ZNF257: variants seen among roughly 807,000 people sequenced by gnomAD.
ZNF257 encodes zinc finger protein 257.
Under a neutral mutation model 11.9 loss-of-function variants are expected in ZNF257, and 12 were observed. The ratio of observed to expected loss-of-function variants is 1.01; its 90% confidence interval spans 0.65 to 1.63. ZNF257 has a LOEUF of 1.63. ZNF257 is among the 40% of genes most tolerant of loss of function. The pLI is 0.00. For missense variants in ZNF257, 580 were observed against 665.5 expected (o/e 0.87, Z 1.41); for synonymous variants, 183 against 222.7 (o/e 0.82, Z 1.59).
At chr19:22,068,876 C>T (rs1195660955) in intron 1 of ZNF257, among the ~76,000 whole-genome samples, 1 of 152,128 alleles carries the variant, frequency 6.6e-6, no homozygotes, top group Non-Finnish European at 1.5e-5. Context: ...GTCTGGCTTA[C>T]AATTGGGCCG....
At chr19:22,052,663 G>A (rs764418751) in intron 1 of ZNF257, 28 bp downstream of exon 1, 2 of 1,605,892 alleles carry the variant, frequency 1.2e-6, no homozygotes, top group Non-Finnish European at 1.7e-6. Context: ...GACATCCTGG[G>A]AGAGGGGAAG....
chr19:22,083,194 G>T (rs1028697799), intron 3 of ZNF257, among the ~76,000 whole-genome samples: 1 of 152,140 alleles, frequency 6.6e-6, no homozygotes, highest in African/African-American at 2.4e-5. Context: ...TACCGACAGG[G>T]TGTGGTGGCT....
At position 22,068,455 on chromosome 19, in the gene ZNF257, C is replaced by G. The variant is rs2022019252; in HGVS notation, c.4-4354C>G. On this transcript the variant is annotated intron_variant, in intron 1 of 3. Coordinates refer to ENST00000594947, the MANE Select transcript of ZNF257 (RefSeq NM_033468.4). Reference sequence around the variant, plus strand: ...CAAGAATCTGCACATAAGAGCTGATCTCTGCCTGAGATTCACAAGACAGGG... The same window carrying G: ...CAAGAATCTGCACATAAGAGCTGATGTCTGCCTGAGATTCACAAGACAGGG... Among the ~76,000 whole-genome samples, 3 of 152,224 alleles carry G rather than the reference C, an allele frequency of 2.0e-5. No individual in the cohort carries two copies. The South Asian group carries it at 6.2e-4, about 32-fold the overall frequency.
chr19:22,063,215 C>T (rs7252550), intron 1 of ZNF257, among the ~76,000 whole-genome samples: 36,046 of 151,938 alleles, frequency 0.24, 5,802 homozygotes, highest in African/African-American at 0.46. Context: ...GTAATAATGT[C>T]CCTTTGTCAT....
At chr19:22,067,886 C>A (rs939292951) in intron 1 of ZNF257, among the ~76,000 whole-genome samples, 36 of 151,230 alleles carry the variant, frequency 2.4e-4, no homozygotes, top group African/African-American at 8.8e-4. Context: ...GTCTCCCCCC[C>A]GCTTGAGCTA....
At chr19:22,061,542 A>T (rs1248343454) in intron 1 of ZNF257, among the ~76,000 whole-genome samples, 1 of 151,436 alleles carries the variant, frequency 6.6e-6, no homozygotes, top group Non-Finnish European at 1.5e-5. Context: ...TTCTGTCACG[A>T]CTATAGTCTT....
Position 22,090,016 on chromosome 19 carries a change from A to G in ZNF257, c.*574A>G, listed in dbSNP as rs1000610545. On this transcript the variant is annotated 3_prime_UTR_variant, in exon 4 of 4. Coordinates refer to ENST00000594947, the MANE Select transcript of ZNF257 (RefSeq NM_033468.4). ...CTTGATTGCAGGTAAAATAATTTATACCGGAGAAAACTCCAAGTGTGAAGA... is the reference window on the plus strand; with the variant it reads ...CTTGATTGCAGGTAAAATAATTTATGCCGGAGAAAACTCCAAGTGTGAAGA... 1 of 154,656 alleles carries G rather than the reference A, an allele frequency of 6.5e-6. No homozygotes were observed. The highest frequency in any genetic ancestry group is 1.4e-5 in the Non-Finnish European group (1 of 69,714). 9.6% of individuals were successfully genotyped at this position (154,656 alleles called of 1,614,324 possible). A position where few individuals can be genotyped will look rare whatever the true frequency, so the allele number is the denominator to read the frequency against.
intron 1 of ZNF257, among the ~76,000 whole-genome samples, chr19:22,065,104 A>T (rs1568482179): frequency 2.0e-5 from 3 of 152,102 alleles, no homozygotes; most frequent in Admixed American, 6.6e-5. Context: ...AGGCCACAAA[A>T]TTTACTTTCA....
In ZNF257 at chr19:22,090,499, A is replaced by G. The variant is rs530447110; in HGVS notation, c.*1057A>G. On this transcript the variant is annotated 3_prime_UTR_variant, in exon 4 of 4. Coordinates refer to ENST00000594947, the MANE Select transcript of ZNF257 (RefSeq NM_033468.4). ...ACTAAAATATACTTTTGCAGATGCA[A>G]TAAATACAAAGAAATATTTAATTCA... 2 of 152,282 alleles carry G rather than the reference A, an allele frequency of 1.3e-5. No individual in the cohort carries two copies. Among genetic ancestry groups the G allele is most frequent in the Non-Finnish European group, 2.9e-5 (2 of 68,002 alleles). The allele number at this position is 152,282 out of a possible 1,614,324, so 9.4% of individuals were successfully genotyped here. A position where few individuals can be genotyped will look rare whatever the true frequency, so the allele number is the denominator to read the frequency against.
At chr19:22,068,896 G>C (rs183745070) in intron 1 of ZNF257, among the ~76,000 whole-genome samples, 15 of 152,172 alleles carry the variant, frequency 9.9e-5, no homozygotes, top group African/African-American at 3.4e-4. Flanking sequence ...GTCAGCACAC[G>C]GTCACTGGGA....
intron 3 of ZNF257, 121 bp downstream of exon 3, chr19:22,073,685 A>T (rs1266328837): frequency 7.5e-7 from 1 of 1,327,538 alleles, no homozygotes; most frequent in East Asian, 2.5e-5. Context: ...TAGTTTCTGG[A>T]AGCCTGAGTT....
At chr19:22,052,746 G>T in intron 1 of ZNF257, 111 bp downstream of exon 1, 1 of 1,354,286 alleles carries the variant, frequency 7.4e-7, no homozygotes, top group Non-Finnish European at 1.0e-6. Flanking sequence ...TACCATCTGC[G>T]CCCGAGTTTT....
rs116689744 is a variant in ZNF257, at chr19:22,066,633, A to T, written c.4-6176A>T. Among the ~76,000 whole-genome samples, 1,181 of 152,302 alleles carry T rather than the reference A, an allele frequency of 7.8e-3. 9 individuals carry two copies. Among genetic ancestry groups the T allele is most frequent in the African/African-American group, 0.027 (1,108 of 41,556 alleles). ...TAGCATCCTAATCAACCATTTTTGT[A>T]GAAGAGTGAGAGCCTACCTTCAGCA... On this transcript the variant is annotated intron_variant, in intron 1 of 3. Transcript: ENST00000594947.
chr19:22,062,200 G>T (rs10406485), intron 1 of ZNF257, among the ~76,000 whole-genome samples: 34,615 of 146,848 alleles, frequency 0.24, 5,552 homozygotes, highest in African/African-American at 0.46. Context: ...AGCTAGGATT[G>T]CAGGCACCCA....
intron 3 of ZNF257, among the ~76,000 whole-genome samples, chr19:22,074,143 C>T (rs191858129): frequency 2.6e-5 from 4 of 151,588 alleles, no homozygotes; most frequent in Admixed American, 1.3e-4. Flanking sequence ...TTGTATTTTC[C>T]GTTACTGTGA....
intron 3 of ZNF257, among the ~76,000 whole-genome samples, chr19:22,086,359 G>T (rs567917638): frequency 3.3e-5 from 5 of 151,960 alleles, no homozygotes; most frequent in African/African-American, 1.2e-4. Context: ...TATTGATATT[G>T]CTGATTATAT....
chr19:22,061,813 A>G (rs2021802119), intron 1 of ZNF257, among the ~76,000 whole-genome samples: 1 of 151,968 alleles, frequency 6.6e-6, no homozygotes, highest in Non-Finnish European at 1.5e-5. Context: ...TGTACCTTCA[A>G]TGCCTAATTG....
chr19:22,075,859 A>G (rs758652037), intron 3 of ZNF257: 1 of 152,198 alleles, frequency 6.6e-6, no homozygotes, highest in Non-Finnish European at 1.5e-5. Context: ...GGTTTGAGCC[A>G]TGAGGCCTGG....
intron 3 of ZNF257, among the ~76,000 whole-genome samples, chr19:22,083,341 G>A (rs747485416): frequency 1.1e-4 from 16 of 151,932 alleles, no homozygotes; most frequent in Non-Finnish European, 2.1e-4. Context: ...GCATGGTGGT[G>A]GGCGCCTGTA....
Sources: gnomAD v4.1 joint callset for allele counts (sites outside exome capture counted in the v4.1 genomes callset) on GRCh38, gnomAD v4.1.1 for gene constraint, MANE v1.5 for transcripts, NCBI Gene and HGNC (gene_info 2026-07-23, HGNC 2026-07-21) for gene names.